Variants in PCDH10 observed in about 807,000 individuals in gnomAD.
PCDH10 encodes protocadherin 10.
Under a neutral mutation model 74.4 loss-of-function variants are expected in PCDH10, and 15 were observed. The observed-to-expected ratio is 0.20, with a 90% confidence interval of 0.13 to 0.31. The LOEUF (loss-of-function observed/expected upper bound fraction) is 0.31, where lower values mean the gene tolerates loss of function less well. PCDH10 is among the 10% of genes least tolerant of loss of function. The pLI is 1.00. For synonymous variants in PCDH10, 619 were observed against 589.8 expected, an observed-to-expected ratio of 1.05 and a Z score of -0.72; for missense variants, 1,260 against 1,390.2, an observed-to-expected ratio of 0.91 and a Z score of 1.49.
chr4:133,162,369 C>T (rs534938224), intron 3 of PCDH10, among the ~76,000 whole-genome samples: 7 of 152,208 alleles, frequency 4.6e-5, no homozygotes, highest in Middle Eastern at 3.4e-3. Context: ...CTAGAAACCT[C>T]GGAAAATATG....
At chr4:133,182,845 G>A (rs944621546) in intron 4 of PCDH10, among the ~76,000 whole-genome samples, 6 of 151,926 alleles carry the variant, frequency 3.9e-5, no homozygotes, top group African/African-American at 9.7e-5. Context: ...AATTTATTAC[G>A]CTTCTAAAAC....
intron 4 of PCDH10, among the ~76,000 whole-genome samples, chr4:133,169,837 C>T (rs978861954): frequency 6.6e-6 from 1 of 151,870 alleles, no homozygotes; most frequent in Non-Finnish European, 1.5e-5. Flanking sequence ...GGTGAGTCTT[C>T]GTCATCTTCA....
chr4:133,169,173 G>A (rs925139570), intron 4 of PCDH10, among the ~76,000 whole-genome samples: 1 of 151,644 alleles, frequency 6.6e-6, no homozygotes, highest in African/African-American at 2.4e-5. Flanking sequence ...TCTACTAGCA[G>A]CTTAATATGT....
intron 3 of PCDH10, among the ~76,000 whole-genome samples, chr4:133,162,722 A>G (rs1001589781): frequency 2.0e-5 from 3 of 152,192 alleles, no homozygotes; most frequent in Non-Finnish European, 4.4e-5. Flanking sequence ...TACCCTAAGT[A>G]GTTTAGAAAC....
At chr4:133,164,534 T>A (rs1727040050) in intron 4 of PCDH10, among the ~76,000 whole-genome samples, 1 of 151,970 alleles carries the variant, frequency 6.6e-6, no homozygotes, top group Non-Finnish European at 1.5e-5. Flanking sequence ...AATAAAAATT[T>A]GCATTTCTAA....
In PCDH10 at chr4:133,192,516, A is replaced by C. The variant is rs1359665611; in HGVS notation, c.*2356A>C. On this transcript the variant is annotated 3_prime_UTR_variant, in exon 5 of 5. Coordinates refer to ENST00000264360, the MANE Select transcript of PCDH10 (RefSeq NM_032961.3). ...CAAAGACATTTTCTTTAATTATTTA[A>C]CCTTTTATATCATTGTATATAATCT... 6.6e-6 allele frequency: 1 copy of C among 151,470 alleles called. No homozygotes were observed. Among genetic ancestry groups the C allele is most frequent in the Non-Finnish European group, 1.5e-5 (1 of 67,572 alleles). The allele number at this position is 151,470 out of a possible 1,614,324, so 9.4% of individuals were successfully genotyped here.
rs1420451331 is a variant in PCDH10, at chr4:133,152,115, G to C, written c.1975G>C (p.Glu659Gln). The C allele has an allele frequency of 1.3e-6, 2 of 1,575,438 alleles. No individual in the cohort carries two copies. The highest frequency in any genetic ancestry group is 1.7e-6 in the Non-Finnish European group (2 of 1,161,240). ...CCAGCGGCCTTATGAGCTGGTGATCGAGGTGCGCGACCATGGGCAGCCGCC... is the reference window on the plus strand; with the variant it reads ...CCAGCGGCCTTATGAGCTGGTGATCCAGGTGCGCGACCATGGGCAGCCGCC... Reference protein sequence around the residue: ...DPQRPYELVIEVRDHGQPPLS... With the variant: ...DPQRPYELVIQVRDHGQPPLS... The change falls in exon 1 of 5, where the codon GAG (glutamate) becomes CAG (glutamine). Residue 659 changes from glutamate to glutamine, a missense_variant. Coordinates refer to ENST00000264360, the MANE Select transcript of PCDH10 (RefSeq NM_032961.3).
At position 133,153,165 on chromosome 4, in the gene PCDH10, G is replaced by C. The variant is rs916422602; in HGVS notation, c.2631+394G>C. The C allele has an allele frequency of 2.4e-5, 27 of 1,137,806 alleles. 1 individual carries two copies. The South Asian group carries it at 8.9e-4, about 38-fold the overall frequency. The allele number at this position is 1,137,806 out of a possible 1,614,324, so 70.5% of individuals were successfully genotyped here. On this transcript the variant is annotated intron_variant, in intron 1 of 4. Transcript: ENST00000264360. ...TCTTTTTTCTTTGCGTCTGTCCCAG[G>C]CATTAATAAAGTTGGCTCTATTTTG... is the stretch of plus-strand genomic sequence containing the variant.
intron 4 of PCDH10, among the ~76,000 whole-genome samples, chr4:133,182,095 T>C (rs1038785679): frequency 1.3e-5 from 2 of 152,090 alleles, no homozygotes; most frequent in South Asian, 2.1e-4. Context: ...GATTTTCGTA[T>C]AAAAGATGAA....
At chr4:133,188,309 G>T (rs1317459948) in intron 4 of PCDH10, among the ~76,000 whole-genome samples, 1 of 152,010 alleles carries the variant, frequency 6.6e-6, no homozygotes, top group Non-Finnish European at 1.5e-5. Context: ...GACTTCTAAG[G>T]TTTCACTATT....
At chr4:133,178,428 G>T (rs113144655) in intron 4 of PCDH10, among the ~76,000 whole-genome samples, 3 of 151,890 alleles carry the variant, frequency 2.0e-5, no homozygotes, top group African/African-American at 7.3e-5. Flanking sequence ...TAGAGACGGG[G>T]TTTCTCCATG....
chr4:133,184,363 C>T (rs1727484231), intron 4 of PCDH10, among the ~76,000 whole-genome samples: 1 of 152,006 alleles, frequency 6.6e-6, no homozygotes, highest in African/African-American at 2.4e-5. Context: ...TAGCTCATGC[C>T]TATAATCCCA....
intron 1 of PCDH10, 104 bp from the exon 2 acceptor site, chr4:133,154,203 T>C: frequency 1.4e-6 from 1 of 710,398 alleles, no homozygotes; most frequent in South Asian, 1.8e-5. Flanking sequence ...TTCATAAAAA[T>C]GTATACAATT....
intron 3 of PCDH10, 143 bp downstream of exon 3, chr4:133,155,166 T>A: frequency 1.5e-6 from 1 of 657,860 alleles, no homozygotes; most frequent in East Asian, 2.7e-5. Flanking sequence ...CACTCTACTT[T>A]GATATTTGCA....
downstream of PCDH10, among the ~76,000 whole-genome samples, chr4:133,196,741 A>T (rs12504764): frequency 5.4e-3 from 826 of 152,344 alleles, 24 homozygotes; most frequent in Admixed American, 0.05. Context: ...TATGCCCAGG[A>T]GTGAACAAGG....
In PCDH10 at chr4:133,150,171, T is replaced by G. The variant is rs976266456; in HGVS notation, c.31T>G (p.Trp11Gly). The G allele has an allele frequency of 6.3e-7, 1 of 1,586,388 alleles. No individual in the cohort carries two copies. Among genetic ancestry groups the G allele is most frequent in the African/African-American group, 1.4e-5 (1 of 73,904 alleles). ...TGTGCTATTATTGTTTGCCTTGCTC[T>G]GGATGGTGGAAGGAGTCTTTTCCCA... MIVLLLFALL[W>G]MVEGVFSQLH... Residue 11 changes from tryptophan (W) to glycine (G), a missense_variant, in exon 1 of 5, where the codon TGG (tryptophan) becomes GGG (glycine). Trp to Gly is a radical substitution (Grantham distance 184). This residue lies in a region of PCDH10 where 103 missense variants were observed against 91.5 expected (regional missense o/e 1.13). Coordinates refer to ENST00000264360, the MANE Select transcript of PCDH10 (RefSeq NM_032961.3).
intron 4 of PCDH10, among the ~76,000 whole-genome samples, chr4:133,188,274 T>G (rs952369929): frequency 3.3e-5 from 5 of 152,192 alleles, no homozygotes; most frequent in Non-Finnish European, 7.4e-5. Flanking sequence ...CGTAATGATT[T>G]GCTCTGATTT....
chr4:133,170,908 GGT>G (rs1384290652), intron 4 of PCDH10, among the ~76,000 whole-genome samples: 3 of 151,346 alleles, frequency 2.0e-5, no homozygotes, highest in Non-Finnish European at 4.4e-5. Flanking sequence ...TAGCCCAGAT[GGT>G]CTCTGTCTCC....
chr4:133,152,394 C>T lies in PCDH10; in HGVS notation c.2254C>T (p.Leu752=), dbSNP rs747022639. ...KEKKLNIYTC[L]ASDCCLCCCC... ...GAAGAAGCTCAACATCTATACTTGT[C>T]TGGCCAGCGATTGCTGCCTCTGCTG... is the stretch of plus-strand genomic sequence containing the variant. The change falls in exon 1 of 5, where the codon CTG becomes TTG. Residue 752 remains leucine (L), a synonymous_variant. Coordinates refer to ENST00000264360, the MANE Select transcript of PCDH10 (RefSeq NM_032961.3). 29 of 1,614,202 alleles carry T rather than the reference C, an allele frequency of 1.8e-5. No individual in the cohort carries two copies. In the South Asian group the frequency reaches 3.0e-4, roughly 17 times the overall value.
Sources: allele counts gnomAD v4.1 joint callset (sites outside exome capture counted in the v4.1 genomes callset), GRCh38; gene constraint gnomAD v4.1.1; regional missense constraint gnomAD v4.1.1; transcripts MANE v1.5; gene names NCBI Gene and HGNC (gene_info 2026-07-23, HGNC 2026-07-21).